TMEM102: variants seen among roughly 807,000 people sequenced by gnomAD.
The protein encoded by TMEM102 is DANGER family member 2B.
Under a neutral mutation model 26.8 loss-of-function variants are expected in TMEM102, and 28 were observed. The ratio of observed to expected loss-of-function variants is 1.05; its 90% CI spans 0.77 to 1.43. The LOEUF (loss-of-function observed/expected upper bound fraction) is 1.43, where lower values mean the gene tolerates loss of function less well. Among genes scored for constraint, TMEM102 ranks in the 40% most tolerant of loss-of-function variants. The pLI, the probability that TMEM102 is intolerant of heterozygous loss-of-function variation, is 0.00. For missense variants in TMEM102, 677 were observed against 705.6 expected, an observed-to-expected ratio of 0.96 and a Z score of 0.46; for synonymous variants, 306 against 332.1, an observed-to-expected ratio of 0.92 and a Z score of 0.86.
rs754805556 is a variant in TMEM102 at position 7,437,422 on chromosome 17, C to T, written c.1443C>T (p.Ala481=). The T allele has an allele frequency of 5.4e-6, 8 of 1,492,000 alleles. No homozygotes were observed. In the South Asian group the frequency reaches 7.8e-5, roughly 14 times the overall value. The allele number at this position is 1,492,000 out of a possible 1,614,324, so 92.4% of individuals were successfully genotyped here. A position where few individuals can be genotyped will look rare whatever the true frequency, so the allele number is the denominator to read the frequency against. The change falls in exon 3 of 3, where the codon GCC becomes GCT. Residue 481 remains alanine (A), a synonymous_variant. Transcript: ENST00000323206. The surrounding 1 kb of genome is among the most constrained non-coding windows in gnomAD (Gnocchi z 4.2). The part of the protein sequence containing the change: ...GELARLRGDP[A]RALRAAVEEA... Reference sequence around the variant, plus strand: ...TGGCCCGGCTCCGCGGGGACCCGGCCCGGGCCCTCCGTGCCGCGGTGGAGG... The same window carrying T: ...TGGCCCGGCTCCGCGGGGACCCGGCTCGGGCCCTCCGTGCCGCGGTGGAGG...
chr17:7,436,978 C>T lies in TMEM102; in HGVS notation c.999C>T (p.Ser333=). ...SVAGWPEGAR[S]HSWAGPLASE... Reference sequence around the variant, plus strand: ...CGGGCTGGCCCGAGGGGGCTCGGAGCCACTCGTGGGCCGGTCCGCTGGCCT... The same window carrying T: ...CGGGCTGGCCCGAGGGGGCTCGGAGTCACTCGTGGGCCGGTCCGCTGGCCT... The change falls in exon 3 of 3, where the codon AGC becomes AGT. Residue 333 remains serine (S), a synonymous_variant. Coordinates refer to ENST00000323206, the MANE Select transcript of TMEM102 (RefSeq NM_178518.3). The T allele has an allele frequency of 6.2e-7, 1 of 1,600,748 alleles. No homozygotes were observed. Among genetic ancestry groups the T allele is most frequent in the Non-Finnish European group, 8.5e-7 (1 of 1,178,954 alleles).
chr17:7,436,497 C>T lies in TMEM102; in HGVS notation c.518C>T (p.Ser173Leu), dbSNP rs142844722. Residue 173 changes from serine to leucine, a missense_variant, in exon 3 of 3, where the codon TCG becomes TTG. Transcript: ENST00000323206. The stretch of plus-strand genomic sequence containing the variant: ...CCCCCAGTCCCAGGAGCACGTGATT[C>T]GATCCACCGAACGGAGAGCGAAGAA... Reference protein sequence around the residue: ...LGPPVPGARDSIHRTESEESS... With the variant: ...LGPPVPGARDLIHRTESEESS... 1 of 1,613,742 alleles carries T rather than the reference C, an allele frequency of 6.2e-7. No homozygotes were observed. Among genetic ancestry groups the T allele is most frequent in the Non-Finnish European group, 8.5e-7 (1 of 1,180,048 alleles).
rs1471740105 is a variant in TMEM102 at position 7,436,237 on chromosome 17, G to A, written c.258G>A (p.Glu86=). 6.2e-7 allele frequency: 1 copy of A among 1,613,456 alleles called. No individual in the cohort carries two copies. The highest frequency in any genetic ancestry group is 2.2e-5 in the East Asian group (1 of 44,880). ...ACCCTCGCTTTCCTCCCCAGGCAGA[G>A]CTCTTGCTGCTTCGTGGTGGGATTC... ...RRDPRFPPQA[E]LLLLRGGIRE... The change falls in exon 3 of 3, where the codon GAG becomes GAA. Residue 86 remains glutamate, a synonymous_variant. Coordinates refer to ENST00000323206, the MANE Select transcript of TMEM102 (RefSeq NM_178518.3).
In TMEM102 at chr17:7,437,146, C is replaced by G. The variant is rs1908068023; in HGVS notation, c.1167C>G (p.Ala389=). The G allele has an allele frequency of 2.7e-6, 4 of 1,469,474 alleles. No individual in the cohort carries two copies. Among genetic ancestry groups the G allele is most frequent in the Non-Finnish European group, 3.6e-6 (4 of 1,122,756 alleles). The allele number at this position is 1,469,474 out of a possible 1,614,324, so 91.0% of individuals were successfully genotyped here. A position where few individuals can be genotyped will look rare whatever the true frequency, so the allele number is the denominator to read the frequency against. The change falls in exon 3 of 3, where the codon GCC becomes GCG. Residue 389 remains alanine (A), a synonymous_variant. Transcript: ENST00000323206. This position sits in a 1 kb window ranked among gnomAD's most constrained non-coding sequence, Gnocchi z 4.2. The part of the protein sequence containing the change: ...PAPLLQAHAA[A]QALLRPLVAG... The stretch of plus-strand genomic sequence containing the variant: ...CGCTGCTGCAGGCGCACGCGGCGGC[C>G]CAGGCGCTACTGCGCCCGCTGGTGG...
At position 7,436,785 on chromosome 17, in the gene TMEM102, G is replaced by T. The variant is rs776249270; in HGVS notation, c.806G>T (p.Trp269Leu). The T allele has an allele frequency of 6.8e-6, 11 of 1,613,666 alleles. No individual in the cohort carries two copies. The East Asian group carries it at 2.5e-4, about 36-fold the overall frequency. Residue 269 changes from tryptophan to leucine, a missense_variant, in exon 3 of 3, where the codon TGG (tryptophan) becomes TTG (leucine). Transcript: ENST00000323206. ...TTATGTTCCGCCCAGGTGGCTGCCTGGTTCTTTGCTACGCTGGCGGCGGTC... is the reference window on the plus strand; with the variant it reads ...TTATGTTCCGCCCAGGTGGCTGCCTTGTTCTTTGCTACGCTGGCGGCGGTC... ...PTLCSAQVAA[W>L]FFATLAAVAE...
In TMEM102 at chr17:7,436,325, G is replaced by C. The variant is rs967241346; in HGVS notation, c.346G>C (p.Asp116His). The C allele has an allele frequency of 6.2e-7, 1 of 1,613,780 alleles. No homozygotes were observed. Among genetic ancestry groups the C allele is most frequent in the Admixed American group, 1.7e-5 (1 of 60,014 alleles). ...LGPYARGPHY[D>H]AGFTLLVPMF... is the part of the protein sequence containing the mutation. ...TCCCTACGCCCGGGGACCTCACTAC[G>C]ATGCCGGCTTCACACTCCTAGTGCC... Residue 116 changes from aspartate (D) to histidine (H), a missense_variant, in exon 3 of 3, where the codon GAT (aspartate) becomes CAT (histidine). By Grantham distance (81) the Asp-to-His change is moderately conservative. Transcript: ENST00000323206.
chr17:7,436,670 C>T lies in TMEM102; in HGVS notation c.691C>T (p.Pro231Ser), dbSNP rs1184254257. The change falls in exon 3 of 3, where the codon CCT becomes TCT. Residue 231 changes from proline (P) to serine (S), a missense_variant. Pro to Ser is a moderately conservative substitution (Grantham distance 74). Coordinates refer to ENST00000323206, the MANE Select transcript of TMEM102 (RefSeq NM_178518.3). ...HDVVDLGSTA[P>S]LKTMSSDVTK... ...CGTCGTCGACCTTGGCTCTACCGCA[C>T]CTTTGAAAACAATGAGTAGTGACGT... 8.7e-6 allele frequency: 14 copies of T among 1,613,886 alleles called. No individual in the cohort carries two copies. In the South Asian group the frequency reaches 9.9e-5, roughly 11 times the overall value.
rs748153117 is a variant in TMEM102, at chr17:7,436,178, C to A, written c.215-16C>A. On this transcript the variant is annotated splice_polypyrimidine_tract_variant and intron_variant, in intron 2 of 2. Transcript: ENST00000323206. ...GGCTTTGGGCGACGCCCTCACGATC[C>A]GTTCCCTTTTTTTAGGTCTAGTTCA... The A allele has an allele frequency of 3.2e-6, 5 of 1,579,734 alleles. No individual in the cohort carries two copies. The highest frequency in any genetic ancestry group is 2.2e-5 in the South Asian group (2 of 90,320).
At position 7,437,151 on chromosome 17, in the gene TMEM102, C is replaced by T; in HGVS notation, c.1172C>T (p.Ala391Val). 1.4e-6 allele frequency: 2 copies of T among 1,469,808 alleles called. No homozygotes were observed. Among genetic ancestry groups the T allele is most frequent in the African/African-American group, 1.5e-5 (1 of 67,282 alleles). The allele number at this position is 1,469,808 out of a possible 1,614,324, so 91.0% of individuals were successfully genotyped here. A position where few individuals can be genotyped will look rare whatever the true frequency, so the allele number is the denominator to read the frequency against. Residue 391 changes from alanine (A) to valine (V), a missense_variant, in exon 3 of 3, where the codon GCG (alanine) becomes GTG (valine). Physicochemically the swap from Ala to Val is moderately conservative, Grantham distance 64. Transcript: ENST00000323206. The surrounding 1 kb of genome is among the most constrained non-coding windows in gnomAD (Gnocchi z 4.2). ...CTGCAGGCGCACGCGGCGGCCCAGGCGCTACTGCGCCCGCTGGTGGCCGGG... is the reference window on the plus strand; with the variant it reads ...CTGCAGGCGCACGCGGCGGCCCAGGTGCTACTGCGCCCGCTGGTGGCCGGG... Reference protein sequence around the residue: ...PLLQAHAAAQALLRPLVAGTR... With the variant: ...PLLQAHAAAQVLLRPLVAGTR...
At position 7,436,339 on chromosome 17, in the gene TMEM102, ACT is replaced by A. The variant is rs759950044; in HGVS notation, c.362_363del (p.Leu121ProfsTer11). 8.1e-6 allele frequency: 13 copies of A among 1,613,202 alleles called. No individual in the cohort carries two copies. The South Asian group carries it at 9.9e-5, about 12-fold the overall frequency. On this transcript the variant is annotated frameshift_variant, in exon 3 of 3. Transcript: ENST00000323206. LOFTEE classifies it low-confidence loss of function (END_TRUNC). The part of the protein sequence containing the change: ...RGPHYDAGFT[L>X]LVPMFSLDGT... ...GACCTCACTACGATGCCGGCTTCAC[ACT>A]CCTAGTGCCCATGTTTTCACTGGAC...
chr17:7,436,292 C>A lies in TMEM102; in HGVS notation c.313C>A (p.Pro105Thr), dbSNP rs764441549. The A allele has an allele frequency of 6.2e-7, 1 of 1,613,780 alleles. No individual in the cohort carries two copies. Among genetic ancestry groups the A allele is most frequent in the Non-Finnish European group, 8.5e-7 (1 of 1,180,038 alleles). Residue 105 changes from proline (P) to threonine (T), a missense_variant, in exon 3 of 3, where the codon CCC becomes ACC. Physicochemically the swap from Pro to Thr is conservative, Grantham distance 38 (BLOSUM62 -1). Coordinates refer to ENST00000323206, the MANE Select transcript of TMEM102 (RefSeq NM_178518.3). The stretch of plus-strand genomic sequence containing the variant: ...GGGCTCCCTGGATCTGGGGCATGCA[C>A]CCCTGGGTCCCTACGCCCGGGGACC... ...REGSLDLGHA[P>T]LGPYARGPHY...
chr17:7,437,323 G>A lies in TMEM102; in HGVS notation c.1344G>A (p.Gly448=), dbSNP rs959561297. The change falls in exon 3 of 3, where the codon GGG becomes GGA. Residue 448 remains glycine (G), a synonymous_variant. Coordinates refer to ENST00000323206, the MANE Select transcript of TMEM102 (RefSeq NM_178518.3). The surrounding 1 kb of genome is among the most constrained non-coding windows in gnomAD (Gnocchi z 4.2). ...AGCTCGGCCGAGTGCTCGAGGCCGG[G>A]ACGTTGCCTCACTATTTTCTGAACG... The part of the protein sequence containing the change: ...LDELGRVLEA[G]TLPHYFLNGR... 1 of 1,566,102 alleles carries A rather than the reference G, an allele frequency of 6.4e-7. No individual in the cohort carries two copies. The highest frequency in any genetic ancestry group is 8.6e-7 in the Non-Finnish European group (1 of 1,158,730).
Position 7,436,314 on chromosome 17 carries a change from G to T in TMEM102, c.335G>T (p.Gly112Val). Residue 112 changes from glycine to valine, a missense_variant, in exon 3 of 3, where the codon GGA (glycine) becomes GTA (valine). Gly to Val is a moderately radical substitution (Grantham distance 109, BLOSUM62 -3). Transcript: ENST00000323206. ...GHAPLGPYARGPHYDAGFTLL... is the reference protein window; with the variant it reads ...GHAPLGPYARVPHYDAGFTLL... ...GCACCCCTGGGTCCCTACGCCCGGG[G>T]ACCTCACTACGATGCCGGCTTCACA... 2.5e-6 allele frequency: 4 copies of T among 1,613,814 alleles called. No individual in the cohort carries two copies. Among genetic ancestry groups the T allele is most frequent in the Non-Finnish European group, 3.4e-6 (4 of 1,180,030 alleles).
chr17:7,436,647 T>C lies in TMEM102; in HGVS notation c.668T>C (p.Val223Ala), dbSNP rs763759898. The change falls in exon 3 of 3, where the codon GTC becomes GCC. Residue 223 changes from valine (V) to alanine (A), a missense_variant. Transcript: ENST00000323206. ...GCGTCCGAGTCGCCTCAGCATGACG[T>C]CGTCGACCTTGGCTCTACCGCACCT... The part of the protein sequence containing the change: ...VSASESPQHD[V>A]VDLGSTAPLK... 1.2e-6 allele frequency: 2 copies of C among 1,613,864 alleles called. No homozygotes were observed. The highest frequency in any genetic ancestry group is 3.3e-5 in the Admixed American group (2 of 60,026).
Position 7,436,953 on chromosome 17 carries a change from C to T in TMEM102, c.974C>T (p.Ala325Val), listed in dbSNP as rs750683536. 4.4e-6 allele frequency: 7 copies of T among 1,602,752 alleles called. No homozygotes were observed. The highest frequency in any genetic ancestry group is 1.1e-5 in the South Asian group (1 of 90,910). ...LFDLIPVVSV[A>V]GWPEGARSHS... Reference sequence around the variant, plus strand: ...GACCTGATCCCAGTGGTGTCCGTGGCGGGCTGGCCCGAGGGGGCTCGGAGC... The same window carrying T: ...GACCTGATCCCAGTGGTGTCCGTGGTGGGCTGGCCCGAGGGGGCTCGGAGC... Residue 325 changes from alanine (A) to valine (V), a missense_variant, in exon 3 of 3, where the codon GCG (alanine) becomes GTG (valine). Transcript: ENST00000323206.
chr17:7,435,717 A>G (rs1597738205), intron 1 of TMEM102, 21 bp downstream of exon 1: 1 of 668,092 alleles, frequency 1.5e-6, no homozygotes, highest in East Asian at 2.6e-5. Flanking sequence ...GTTCATTTTG[A>G]GGACTAAATT....
At chr17:7,435,766 C>A (rs1907984935) in intron 1 of TMEM102, 70 bp downstream of exon 1, 12 of 1,021,964 alleles carry the variant, frequency 1.2e-5, no homozygotes, top group Non-Finnish European at 1.6e-5. Context: ...TAGGTTGTGT[C>A]TGGGGCACTC....
rs904437760 is a variant in TMEM102, at chr17:7,437,497, G to A, written c.1518G>A (p.Gly506=). Residue 506 remains glycine (G), a synonymous_variant, in exon 3 of 3, where the codon GGG becomes GGA. Coordinates refer to ENST00000323206, the MANE Select transcript of TMEM102 (RefSeq NM_178518.3). The surrounding 1 kb of genome is among the most constrained non-coding windows in gnomAD (Gnocchi z 4.2). ...KGGGLAGVGG[G]AH ...GCGGTTTGGCGGGCGTGGGGGGCGG[G>A]GCCCATTAAAGACGCTGTTCCTACC... 5 of 1,387,218 alleles carry A rather than the reference G, an allele frequency of 3.6e-6. No homozygotes were observed. The highest frequency in any genetic ancestry group is 4.7e-6 in the Non-Finnish European group (5 of 1,073,602). The allele number at this position is 1,387,218 out of a possible 1,614,324, so 85.9% of individuals were successfully genotyped here. A position where few individuals can be genotyped will look rare whatever the true frequency, so the allele number is the denominator to read the frequency against.
chr17:7,437,002 C>A lies in TMEM102; in HGVS notation c.1023C>A (p.Ala341=). The A allele has an allele frequency of 6.3e-7, 1 of 1,598,812 alleles. No homozygotes were observed. Among genetic ancestry groups the A allele is most frequent in the Non-Finnish European group, 8.5e-7 (1 of 1,178,550 alleles). The change falls in exon 3 of 3, where the codon GCC becomes GCA. Residue 341 remains alanine, a synonymous_variant. Coordinates refer to ENST00000323206, the MANE Select transcript of TMEM102 (RefSeq NM_178518.3). The surrounding 1 kb of genome is among the most constrained non-coding windows in gnomAD (Gnocchi z 4.2). ...ARSHSWAGPL[A]SESASFYLVP... is the part of the protein sequence containing the mutation. ...GCCACTCGTGGGCCGGTCCGCTGGC[C>A]TCTGAGTCGGCTTCCTTCTACCTGG...
Sources: gnomAD v4.1 joint callset for allele counts on GRCh38, gnomAD v4.1.1 for gene constraint, Gnocchi (gnomAD v3.1) non-coding constraint, MANE v1.5 for transcripts, NCBI Gene and HGNC (gene_info 2026-07-23, HGNC 2026-07-21) for gene names.